The following C9orf85 variants were observed in gnomAD, a reference collection of about 807,000 sequenced individuals.
The protein encoded by C9orf85 is chromosome 9 open reading frame 85.
In C9orf85, 16 loss-of-function variants were observed where a neutral mutation model predicts 14.9. The ratio of observed to expected loss-of-function variants is 1.08; its 90% CI spans 0.73 to 1.63. The LOEUF is 1.63. Ranked by LOEUF, C9orf85 falls within the 40% of genes most tolerant of loss-of-function variation. The pLI is 0.00. For missense variants in C9orf85, 172 were observed against 186.1 expected (o/e 0.92, Z 0.44); for synonymous variants, 45 against 56.8 (o/e 0.79, Z 0.93).
downstream of C9orf85, among the ~76,000 whole-genome samples, chr9:71,976,097 A>G (rs375946322): frequency 7.2e-5 from 11 of 152,340 alleles, no homozygotes; most frequent in South Asian, 1.4e-3. Context: ...TTGTATTTTA[A>G]GCAGACTTTA....
intron 2 of C9orf85, among the ~76,000 whole-genome samples, chr9:71,963,638 C>T (rs912234495): frequency 6.6e-6 from 1 of 152,220 alleles, no homozygotes; most frequent in Non-Finnish European, 1.5e-5. Flanking sequence ...CTCAGATTAG[C>T]TGGCCGGCCC....
downstream of C9orf85, among the ~76,000 whole-genome samples, chr9:71,977,508 T>C (rs1823027095): frequency 6.6e-6 from 1 of 152,246 alleles, no homozygotes; most frequent in Non-Finnish European, 1.5e-5. Context: ...CTAAATCTTA[T>C]ATAAGATAGA....
At chr9:71,959,143 T>C (rs1235907499) in intron 2 of C9orf85, among the ~76,000 whole-genome samples, 1 of 152,014 alleles carries the variant, frequency 6.6e-6, no homozygotes, top group Non-Finnish European at 1.5e-5. Flanking sequence ...TTCTTTTTTT[T>C]TTTTCTTTTT....
At chr9:71,976,677 A>G (rs1273721491), downstream of C9orf85, among the ~76,000 whole-genome samples, 6 of 150,282 alleles carry the variant, frequency 4.0e-5, no homozygotes. Flanking sequence ...AAAAAAAAAA[A>G]TTCTTATTCC....
chr9:71,942,026 CATAAT>C (rs1288647653), intron 1 of C9orf85: 1 of 152,134 alleles, frequency 6.6e-6, no homozygotes, highest in African/African-American at 2.4e-5. Flanking sequence ...TGACATTTCT[CATAAT>C]AGAAGGGAAT....
intron 1 of C9orf85, among the ~76,000 whole-genome samples, chr9:71,915,895 T>G (rs1159053287): frequency 6.6e-6 from 1 of 152,206 alleles, no homozygotes; most frequent in Non-Finnish European, 1.5e-5. Flanking sequence ...TAATAAACAT[T>G]GAGTTGTTTT....
Position 71,911,754 on chromosome 9 carries a change from AC to A in C9orf85, c.21del (p.Asn7LysfsTer50), listed in dbSNP as rs1192825966. 1 of 1,614,024 alleles carries A rather than the reference AC, an allele frequency of 6.2e-7. No individual in the cohort carries two copies. Among genetic ancestry groups the A allele is most frequent in the East Asian group, 2.2e-5 (1 of 44,886 alleles). On this transcript the variant is annotated frameshift_variant, in exon 1 of 4. Transcript: ENST00000334731. LOFTEE classifies it high-confidence loss of function. ...TCGGCGATGAGCTCCCAGAAAGGCA[AC>A]GTGGCTCGTTCCAGACCTCAGAAGC... MSSQKG[N>X]VARSRPQKHQ...
intron 2 of C9orf85, among the ~76,000 whole-genome samples, chr9:71,960,675 T>C (rs562598527): frequency 1.4e-4 from 22 of 152,154 alleles, no homozygotes; most frequent in Non-Finnish European, 3.1e-4. Context: ...GCCTCCTGAG[T>C]AGCTGGGAAT....
At chr9:71,921,074 A>C (rs1257700682) in intron 1 of C9orf85, among the ~76,000 whole-genome samples, 2 of 152,252 alleles carry the variant, frequency 1.3e-5, no homozygotes. Flanking sequence ...CTGTAGTAGT[A>C]AGATACCAAC....
At chr9:71,937,028 G>A (rs182300556) in intron 1 of C9orf85, among the ~76,000 whole-genome samples, 4 of 152,108 alleles carry the variant, frequency 2.6e-5, no homozygotes. Flanking sequence ...CAAAGTGTTG[G>A]GATTATAGCC....
intron 3 of C9orf85, 135 bp downstream of exon 3, chr9:71,971,753 CACG>C (rs1321860629): frequency 7.3e-6 from 4 of 550,602 alleles, no homozygotes; most frequent in Non-Finnish European, 1.3e-5. Flanking sequence ...GCAGGTGGAT[CACG>C]AGGTCAGGAG....
chr9:71,915,962 T>G (rs1827638101), intron 1 of C9orf85, among the ~76,000 whole-genome samples: 1 of 152,244 alleles, frequency 6.6e-6, no homozygotes, highest in Non-Finnish European at 1.5e-5. Flanking sequence ...CTGTCTGTAT[T>G]CCACATGTGT....
At chr9:71,968,846 A>G (rs565179338) in intron 2 of C9orf85, among the ~76,000 whole-genome samples, 12 of 152,264 alleles carry the variant, frequency 7.9e-5, no homozygotes, top group Admixed American at 2.6e-4. Context: ...CTAGGGTTGG[A>G]CCACACAATC....
intron 2 of C9orf85, among the ~76,000 whole-genome samples, chr9:71,948,398 A>C (rs926768398): frequency 6.6e-5 from 10 of 152,210 alleles, no homozygotes; most frequent in Non-Finnish European, 2.9e-5. Flanking sequence ...TGAAAGGCAA[A>C]AGTGTTAAGG....
intron 2 of C9orf85, among the ~76,000 whole-genome samples, chr9:71,966,889 C>T (rs997683410): frequency 2.6e-5 from 4 of 152,148 alleles, no homozygotes; most frequent in African/African-American, 4.8e-5. Flanking sequence ...CAGACAAGGG[C>T]GGGATTCAGA....
chr9:71,976,239 G>T (rs112535162), downstream of C9orf85, among the ~76,000 whole-genome samples: 700 of 152,308 alleles, frequency 4.6e-3, 5 homozygotes, highest in Middle Eastern at 0.014. Flanking sequence ...TTAATGTAGT[G>T]CATTAATTTG....
intron 2 of C9orf85, among the ~76,000 whole-genome samples, chr9:71,949,502 A>G (rs1339817507): frequency 6.6e-6 from 1 of 152,222 alleles, no homozygotes; most frequent in Non-Finnish European, 1.5e-5. Context: ...CTGCTAGTTA[A>G]AACAAGATCT....
rs759417825 is a variant in C9orf85, at chr9:71,971,583, C to T, written c.288C>T (p.Cys96=). 43 of 1,611,490 alleles carry T rather than the reference C, an allele frequency of 2.7e-5. No homozygotes were observed. In the Admixed American group the frequency reaches 3.0e-4, roughly 11 times the overall value. The change falls in exon 3 of 4, where the codon TGC becomes TGT. Residue 96 remains cysteine (C), a synonymous_variant. Transcript: ENST00000334731. ...CATGTGCCTGTGAACTTGAAGTTTG[C>T]GCAAAATGTGGAAAGAAAGAAGACA... ...CRPCACELEV[C]AKCGKKEDIV... is the part of the protein sequence containing the mutation.
exon 4 of C9orf85, chr9:71,982,851 G>T: frequency 3.4e-6 from 1 of 289,966 alleles, no homozygotes; most frequent in Non-Finnish European, 6.6e-6. Flanking sequence ...GGCCAGGCCG[G>T]TCTCGAACTC....
Sources: gnomAD v4.1 joint callset for allele counts (sites outside exome capture counted in the v4.1 genomes callset) on GRCh38, gnomAD v4.1.1 for gene constraint, MANE v1.5 for transcripts, NCBI Gene and HGNC (gene_info 2026-07-23, HGNC 2026-07-21) for gene names.